KCNH1: variants seen among roughly 807,000 people sequenced by gnomAD.
KCNH1 encodes the protein potassium voltage-gated channel subfamily H member 1, also known as voltage-gated delayed rectifier potassium channel KCNH1.
KCNH1 carries 27 observed loss-of-function variants against 69.2 expected under a neutral mutation model. That is an observed-to-expected ratio of 0.39 (90% CI 0.29 to 0.54). The LOEUF (loss-of-function observed/expected upper bound fraction) is 0.54. KCNH1 is among the 20% of genes least tolerant of loss of function. The probability of loss-of-function intolerance (pLI) is 0.68; values close to 1 mark genes in which losing one functional copy is unlikely to be tolerated. For missense variants in KCNH1, 798 were observed against 1,261.6 expected, an observed-to-expected ratio of 0.63 and a Z score of 5.57; for synonymous variants, 456 against 487.7, an observed-to-expected ratio of 0.93 and a Z score of 0.86.
rs1168380676 is a variant in KCNH1 at position 211,133,828 on chromosome 1, A to G, written c.79+39T>C. On this transcript the variant is annotated intron_variant, in intron 1 of 10. Transcript: ENST00000271751. The surrounding 1 kb of genome is among the most constrained non-coding windows in gnomAD (Gnocchi z 5.4). ...GAGGTTCTGCAATAAAGGCACGGAT[A>G]AAACGCCCGGGTAATCGAAATCCGA... is the stretch of plus-strand genomic sequence containing the variant. The G allele has an allele frequency of 6.3e-7, 1 of 1,580,162 alleles. No individual in the cohort carries two copies. Among genetic ancestry groups the G allele is most frequent in the Non-Finnish European group, 8.7e-7 (1 of 1,154,472 alleles).
intron 7 of KCNH1, among the ~76,000 whole-genome samples, chr1:210,812,006 C>T (rs574946839): frequency 6.6e-6 from 1 of 152,148 alleles, no homozygotes; most frequent in South Asian, 2.1e-4. Context: ...ATGAGTGGGC[C>T]CTAGAGAACA....
At chr1:210,687,268 T>G (rs558970521) in intron 10 of KCNH1, among the ~76,000 whole-genome samples, 1 of 152,242 alleles carries the variant, frequency 6.6e-6, no homozygotes, top group African/African-American at 2.4e-5. Flanking sequence ...TCTTTGAGGG[T>G]GTGGCTATAT....
At chr1:210,781,144 T>C (rs940876214) in intron 9 of KCNH1, among the ~76,000 whole-genome samples, 1 of 152,058 alleles carries the variant, frequency 6.6e-6, no homozygotes. Flanking sequence ...GAAATGAGAG[T>C]TATATTTTGT....
chr1:210,730,007 G>A (rs1241115385), intron 10 of KCNH1, among the ~76,000 whole-genome samples: 2 of 152,110 alleles, frequency 1.3e-5, no homozygotes, highest in Non-Finnish European at 2.9e-5. Context: ...CCAACTTCTG[G>A]CTGGGCCCTC....
At chr1:211,092,013 T>A (rs1691061531) in intron 3 of KCNH1, among the ~76,000 whole-genome samples, 1 of 152,248 alleles carries the variant, frequency 6.6e-6, no homozygotes, top group South Asian at 2.1e-4. Context: ...GAATAACTAT[T>A]TGTTGAATTT....
At chr1:211,032,875 C>G (rs894370165) in intron 5 of KCNH1, among the ~76,000 whole-genome samples, 1 of 152,094 alleles carries the variant, frequency 6.6e-6, no homozygotes, top group Non-Finnish European at 1.5e-5. Flanking sequence ...ATCTAAACAC[C>G]AAAAGCAATG....
intron 7 of KCNH1, among the ~76,000 whole-genome samples, chr1:210,897,268 A>C (rs1040028625): frequency 2.0e-5 from 3 of 152,358 alleles, no homozygotes; most frequent in East Asian, 3.9e-4. Context: ...AGAAGTAGAA[A>C]TCCTCTTATC....
intron 5 of KCNH1, among the ~76,000 whole-genome samples, chr1:211,065,078 G>A (rs1690504276): frequency 6.6e-6 from 1 of 152,084 alleles, no homozygotes; most frequent in African/African-American, 2.4e-5. Flanking sequence ...CAGTACAGAG[G>A]TTCCTCAAAA....
intron 7 of KCNH1, chr1:210,859,701 C>T (rs775608950): frequency 1.7e-4 from 207 of 1,236,916 alleles, no homozygotes; most frequent in Non-Finnish European, 2.3e-4. Flanking sequence ...TAAAAGCTGG[C>T]AAAATCTGTC....
At chr1:211,099,306 T>G (rs1038444722) in intron 3 of KCNH1, among the ~76,000 whole-genome samples, 2 of 151,162 alleles carry the variant, frequency 1.3e-5, no homozygotes, top group Non-Finnish European at 3.0e-5. Context: ...CTGTTGGGTG[T>G]TTTTTTTTCT....
chr1:210,843,590 T>C (rs920906499), intron 7 of KCNH1, among the ~76,000 whole-genome samples: 2 of 152,278 alleles, frequency 1.3e-5, no homozygotes, highest in South Asian at 2.1e-4. Context: ...TAAGTGGACA[T>C]TGAGGCAGGG....
At chr1:210,718,671 C>G (rs1263617525) in intron 10 of KCNH1, among the ~76,000 whole-genome samples, 1 of 115,544 alleles carries the variant, frequency 8.7e-6, no homozygotes. Context: ...CACACACACA[C>G]ACACACACAC....
chr1:211,053,278 A>T (rs1229678411), intron 5 of KCNH1, among the ~76,000 whole-genome samples: 1 of 152,248 alleles, frequency 6.6e-6, no homozygotes, highest in African/African-American at 2.4e-5. Context: ...ATCAGGCAGT[A>T]GAGTAGACTA....
At chr1:210,964,583 C>T (rs1257195079) in intron 6 of KCNH1, among the ~76,000 whole-genome samples, 1 of 152,126 alleles carries the variant, frequency 6.6e-6, no homozygotes, top group Non-Finnish European at 1.5e-5. Flanking sequence ...AGACCAATAA[C>T]CAGATCTGAA....
At chr1:211,110,487 A>G (rs1691438575) in intron 1 of KCNH1, among the ~76,000 whole-genome samples, 1 of 152,202 alleles carries the variant, frequency 6.6e-6, no homozygotes, top group South Asian at 2.1e-4. Context: ...GAAACATCAA[A>G]GGAAAACAAA....
At chr1:210,902,913 T>C (rs1249655003) in intron 7 of KCNH1, among the ~76,000 whole-genome samples, 1 of 152,220 alleles carries the variant, frequency 6.6e-6, no homozygotes, top group Non-Finnish European at 1.5e-5. Context: ...TTGCTTAAAG[T>C]CCTGGATACC....
chr1:211,115,284 T>C (rs1358899757), intron 1 of KCNH1, among the ~76,000 whole-genome samples: 1 of 152,182 alleles, frequency 6.6e-6, no homozygotes, highest in African/African-American at 2.4e-5. Flanking sequence ...TCACCGCACC[T>C]AGCAAGAATT....
intron 10 of KCNH1, among the ~76,000 whole-genome samples, chr1:210,695,538 A>C (rs1213999864): frequency 6.6e-6 from 1 of 151,848 alleles, no homozygotes; most frequent in Non-Finnish European, 1.5e-5. Context: ...TTATCTCCCT[A>C]CTCCCATTGT....
intron 3 of KCNH1, among the ~76,000 whole-genome samples, chr1:211,100,314 C>T (rs1272969240): frequency 2.0e-5 from 3 of 152,156 alleles, no homozygotes; most frequent in Non-Finnish European, 2.9e-5. Flanking sequence ...CCTTCCTAGT[C>T]TCTCCAACCT....
Sources: gnomAD v4.1 joint callset for allele counts (sites outside exome capture counted in the v4.1 genomes callset) on GRCh38, gnomAD v4.1.1 for gene constraint, Gnocchi (gnomAD v3.1) non-coding constraint, MANE v1.5 for transcripts, NCBI Gene and HGNC (gene_info 2026-07-23, HGNC 2026-07-21) for gene names.